The following PODNL1 variants were observed in gnomAD, a reference collection of about 807,000 sequenced individuals.
The protein encoded by PODNL1 is podocan like 1.
A neutral mutation model predicts 45.1 loss-of-function variants in PODNL1; 50 were observed. The observed-to-expected ratio is 1.11, with a 90% CI of 0.88 to 1.40. The LOEUF (loss-of-function observed/expected upper bound fraction) is 1.40, where lower values mean the gene tolerates loss of function less well. Ranked by LOEUF, PODNL1 falls within the 40% of genes most tolerant of loss-of-function variation. The pLI is 0.00. For missense variants in PODNL1, 788 were observed against 793.3 expected (o/e 0.99, Z 0.08); for synonymous variants, 406 against 372.5 (o/e 1.09, Z -1.04).
In PODNL1 at chr19:13,936,055, A is replaced by AG. The variant is rs1284385076; in HGVS notation, c.320-12dup. On this transcript the variant is annotated splice_polypyrimidine_tract_variant and intron_variant, in intron 3 of 9. Coordinates refer to ENST00000588872, the MANE Select transcript of PODNL1 (RefSeq NM_001370095.3). ...CCTCGTCAGGCAGGCCTGGGAGAGT[A>AG]GGGGGGCAGTGAAGGGACCCCAGGC... 5.2e-6 allele frequency: 8 copies of AG among 1,548,574 alleles called. No homozygotes were observed. Among genetic ancestry groups the AG allele is most frequent in the Non-Finnish European group, 6.1e-6 (7 of 1,146,782 alleles).
upstream of PODNL1, among the ~76,000 whole-genome samples, chr19:13,940,338 G>A (rs1185514862): frequency 7.3e-5 from 11 of 151,276 alleles, no homozygotes; most frequent in African/African-American, 2.4e-4. Flanking sequence ...TTGGGAGGCC[G>A]AGGCAGGTGG....
chr19:13,932,723 G>A (rs1335802984), intron 8 of PODNL1, 75 bp downstream of exon 8: 3 of 1,610,334 alleles, frequency 1.9e-6, no homozygotes, highest in Admixed American at 3.4e-5. Context: ...TAACTAGAAT[G>A]TTTGGGACGT....
In PODNL1 at chr19:13,934,379, T is replaced by C. The variant is rs1972180017; in HGVS notation, c.526A>G (p.Asn176Asp). The change falls in exon 6 of 10, where the codon AAC (asparagine) becomes GAC (aspartate). Residue 176 changes from asparagine (N) to aspartate (D), a missense_variant. Physicochemically the swap from Asn to Asp is conservative, Grantham distance 23. Around this residue, in one of 3 missense-constraint regions of PODNL1, gnomAD observed 762 missense variants for 750.9 expected, o/e 1.01. Transcript: ENST00000588872. ...SVYLHNNQLS[N>D]AGLPPDAFRG... Reference sequence around the variant, plus strand: ...AAGGCGTCGGGGGGCAGGCCAGCGTTGCTCAGCTGGTTGTTGTGGAGGTAC... The same window carrying C: ...AAGGCGTCGGGGGGCAGGCCAGCGTCGCTCAGCTGGTTGTTGTGGAGGTAC... 1 of 1,550,372 alleles carries C rather than the reference T, an allele frequency of 6.5e-7. No individual in the cohort carries two copies. The highest frequency in any genetic ancestry group is 8.7e-7 in the Non-Finnish European group (1 of 1,149,394).
chr19:13,938,089 G>T, intron 1 of PODNL1, 83 bp from the exon 2 acceptor site: 1 of 1,481,786 alleles, frequency 6.7e-7, no homozygotes, highest in Non-Finnish European at 9.1e-7. Flanking sequence ...CTCGGGGAGG[G>T]TCTTGGTGGG....
In PODNL1 at chr19:13,943,870, C is replaced by G. The variant is rs545091044; in HGVS notation, c.19-5864G>C. Among the ~76,000 whole-genome samples, 6 of 152,198 alleles carry G rather than the reference C, an allele frequency of 3.9e-5. No individual in the cohort carries two copies. The East Asian group carries it at 9.7e-4, about 24-fold the overall frequency. ...CCTTAACTGAATTACATCGCAAAGA[C>G]CTGTTTTCCAAATCAGGTCACATTC... is the stretch of plus-strand genomic sequence containing the variant. On this transcript the variant is annotated intron_variant, in intron 1 of 7. Coordinates refer to the PODNL1 transcript ENST00000538371.
chr19:13,953,044 G>C, intron 1 of PODNL1: 1 of 1,505,728 alleles, frequency 6.6e-7, no homozygotes, highest in Non-Finnish European at 9.0e-7. Context: ...CCTGCCGCTG[G>C]CTTTGGGCTT....
At chr19:13,952,501 G>T in intron 1 of PODNL1, 1 of 1,250,648 alleles carries the variant, frequency 8.0e-7, no homozygotes, top group South Asian at 3.8e-5. Flanking sequence ...GAAGTGGAGG[G>T]AGGGGGTGAA....
intron 1 of PODNL1, among the ~76,000 whole-genome samples, chr19:13,952,220 G>A (rs1275472634): frequency 2.0e-5 from 3 of 152,262 alleles, no homozygotes; most frequent in East Asian, 1.9e-4. Flanking sequence ...GCGTGACGCC[G>A]TTGAGACAGA....
At chr19:13,952,153 C>A (rs982632577) in intron 1 of PODNL1, among the ~76,000 whole-genome samples, 2 of 152,264 alleles carry the variant, frequency 1.3e-5, no homozygotes, top group Non-Finnish European at 2.9e-5. Flanking sequence ...CTCCCGTCGC[C>A]CCGCCCAAGG....
chr19:13,952,993 G>C, intron 1 of PODNL1: 1 of 1,132,494 alleles, frequency 8.8e-7, no homozygotes, highest in South Asian at 1.4e-5. Context: ...TGCTCCCATG[G>C]TTGCTCCATA....
At chr19:13,934,868 C>T (rs899475607) in intron 5 of PODNL1, among the ~76,000 whole-genome samples, 6 of 150,320 alleles carry the variant, frequency 4.0e-5, no homozygotes, top group African/African-American at 1.5e-4. Context: ...TGTGTGTGTG[C>T]AGCCGAGTGT....
At chr19:13,932,685 ATTTTC>A in intron 8 of PODNL1, 108 bp downstream of exon 8, 1 of 1,589,302 alleles carries the variant, frequency 6.3e-7, no homozygotes. Flanking sequence ...CACTCTTATC[ATTTTC>A]TTGTTCTGAT....
Position 13,938,305 on chromosome 19 carries a change from A to AC in PODNL1, c.-125dup. On this transcript the variant is annotated 5_prime_UTR_variant, in exon 1 of 10. Transcript: ENST00000588872. ...CGCCCCCCATCTCCAGACCCATGCC[A>AC]CCCCCCACAACAGCCTGTTCTCCCG... The AC allele has an allele frequency of 6.9e-7, 1 of 1,443,010 alleles. No individual in the cohort carries two copies. Among genetic ancestry groups the AC allele is most frequent in the Non-Finnish European group, 9.2e-7 (1 of 1,092,176 alleles). The allele number at this position is 1,443,010 out of a possible 1,614,324, so 89.4% of individuals were successfully genotyped here. A position where few individuals can be genotyped will look rare whatever the true frequency, so the allele number is the denominator to read the frequency against.
chr19:13,936,326 T>G, intron 3 of PODNL1, 41 bp downstream of exon 3: 1 of 1,552,060 alleles, frequency 6.4e-7, no homozygotes, highest in South Asian at 1.1e-5. Flanking sequence ...CCTCGGTCAG[T>G]CCTACAGCCC....
intron 1 of PODNL1, among the ~76,000 whole-genome samples, chr19:13,949,842 C>T (rs531838195): frequency 7.3e-5 from 11 of 151,470 alleles, no homozygotes; most frequent in Non-Finnish European, 1.5e-4. Context: ...TGTAGGTTCA[C>T]GCCACCACAC....
At chr19:13,932,414 G>A in intron 8 of PODNL1, 4 of 557,034 alleles carry the variant, frequency 7.2e-6, no homozygotes, top group Non-Finnish European at 1.2e-5. Context: ...CAGTCTAGAG[G>A]GCAGTGGCCC....
chr19:13,939,554 A>G (rs1972580240), upstream of PODNL1, among the ~76,000 whole-genome samples: 1 of 152,086 alleles, frequency 6.6e-6, no homozygotes, highest in African/African-American at 2.4e-5. Context: ...CAGACTGGGC[A>G]ATATAGTGAG....
intron 1 of PODNL1, among the ~76,000 whole-genome samples, chr19:13,950,758 G>T (rs193005367): frequency 6.6e-6 from 1 of 152,228 alleles, no homozygotes; most frequent in East Asian, 1.9e-4. Context: ...AAGATACATT[G>T]TGATGGCCGG....
intron 3 of PODNL1, 101 bp from the exon 4 acceptor site, chr19:13,936,145 C>A: frequency 1.8e-6 from 2 of 1,135,238 alleles, no homozygotes; most frequent in South Asian, 1.4e-5. Context: ...GGGGAACTGG[C>A]AGAGGCTCCC....
Sources: allele counts gnomAD v4.1 joint callset (sites outside exome capture counted in the v4.1 genomes callset), GRCh38; gene constraint gnomAD v4.1.1; regional missense constraint gnomAD v4.1.1; transcripts MANE v1.5; gene names NCBI Gene and HGNC (gene_info 2026-07-23, HGNC 2026-07-21).